MAP3K15: variants seen among roughly 807,000 people sequenced by gnomAD.
MAP3K15 encodes MAPK/ERK kinase kinase 15.
MAP3K15 carries 124 observed loss-of-function variants against 99.5 expected under a neutral mutation model. That is an observed-to-expected ratio of 1.25 (90% CI 1.08 to 1.45). The LOEUF (loss-of-function observed/expected upper bound fraction) is 1.45. Ranked by LOEUF, MAP3K15 falls within the 40% of genes most tolerant of loss-of-function variation. The pLI is 0.00. For synonymous variants in MAP3K15, 494 were observed against 439.6 expected, an observed-to-expected ratio of 1.12 and a Z score of -1.55; for missense variants, 1,242 against 1,079.7, an observed-to-expected ratio of 1.15 and a Z score of -2.11.
At chrX:19,435,982 T>C (rs1286682909) in intron 6 of MAP3K15, among the ~76,000 whole-genome samples, 2 of 110,908 alleles carry the variant, frequency 1.8e-5, no homozygotes, top group Admixed American at 1.9e-4. Flanking sequence ...GGTGAAACCC[T>C]GTCTCCACTA....
chrX:19,381,853 C>T (rs906639307), intron 18 of MAP3K15, among the ~76,000 whole-genome samples: 1 of 112,210 alleles, frequency 8.9e-6, no homozygotes, highest in African/African-American at 3.2e-5. Context: ...AAAAAGACAG[C>T]AAAGTCAGAG....
At position 19,515,107 on chromosome X, in the gene MAP3K15, TCGCCCTCGCCGCTGCCGCCTGCCG is replaced by T; in HGVS notation, c.131_154del (p.Ala44_Gly51del). The T allele has an allele frequency of 1.2e-6, 1 of 837,557 alleles. No homozygotes were observed. Among genetic ancestry groups the T allele is most frequent in the Non-Finnish European group, 1.5e-6 (1 of 664,783 alleles). The allele number at this position is 837,557 out of a possible 1,213,427, so 69.0% of individuals were successfully genotyped here. A position where few individuals can be genotyped will look rare whatever the true frequency, so the allele number is the denominator to read the frequency against. On this transcript the variant is annotated inframe_deletion, in exon 1 of 29. Coordinates refer to ENST00000338883, the MANE Select transcript of MAP3K15 (RefSeq NM_001001671.4). Reference sequence around the variant, plus strand: ...AGCCCGCCGCGGCCCGCCCCCACTCTCGCCCTCGCCGCTGCCGCCTGCCGCGCCCTCCGCCGCCCCGTCGGGCTC... The same window carrying T: ...AGCCCGCCGCGGCCCGCCCCCACTCTCGCCCTCCGCCGCCCCGTCGGGCTC...
chrX:19,476,099 T>A (rs997285547), intron 3 of MAP3K15, among the ~76,000 whole-genome samples: 7 of 112,437 alleles, frequency 6.2e-5, no homozygotes, highest in African/African-American at 2.3e-4. Context: ...CCAGCGAACT[T>A]CATAATGAGA....
At chrX:19,430,239 C>G (rs1170069771) in intron 7 of MAP3K15, among the ~76,000 whole-genome samples, 1 of 112,070 alleles carries the variant, frequency 8.9e-6, no homozygotes, top group East Asian at 2.8e-4. Flanking sequence ...CCTCTAGAGG[C>G]TTTGCTGCTC....
intron 4 of MAP3K15, among the ~76,000 whole-genome samples, chrX:19,462,689 G>A (rs777821705): frequency 1.8e-5 from 2 of 111,988 alleles, no homozygotes; most frequent in Non-Finnish European, 3.8e-5. Flanking sequence ...CAAGGAAGAT[G>A]TTGCTGATCA....
chrX:19,473,384 C>T lies in MAP3K15; in HGVS notation c.526-8978G>A, dbSNP rs377728009. Among the ~76,000 whole-genome samples, 17 of 111,933 alleles carry T rather than the reference C, an allele frequency of 1.5e-4. No homozygotes were observed. The East Asian group carries it at 2.0e-3, about 13-fold the overall frequency. Reference sequence around the variant, plus strand: ...GGAACACATTCAGACTCTTGTTGGTCAAGAGACCAGAAATTAAAAATAAAA... The same window carrying T: ...GGAACACATTCAGACTCTTGTTGGTTAAGAGACCAGAAATTAAAAATAAAA... On this transcript the variant is annotated intron_variant, in intron 3 of 28. Transcript: ENST00000338883.
intron 22 of MAP3K15, 94 bp from the exon 23 acceptor site, chrX:19,371,624 A>C (rs969960859): frequency 5.3e-5 from 44 of 831,356 alleles, no homozygotes; most frequent in Non-Finnish European, 6.9e-5. Context: ...ATTTGCTAAG[A>C]AACTTGTGGA....
intron 7 of MAP3K15, among the ~76,000 whole-genome samples, chrX:19,428,631 T>G (rs1219469090): frequency 1.8e-5 from 2 of 111,892 alleles, no homozygotes; most frequent in Non-Finnish European, 3.8e-5. Context: ...AGAAGACATA[T>G]AGGGCTATCT....
At chrX:19,435,190 T>A (rs1392711303) in intron 6 of MAP3K15, among the ~76,000 whole-genome samples, 4 of 111,608 alleles carry the variant, frequency 3.6e-5, no homozygotes, top group African/African-American at 1.3e-4. Context: ...ATATTCATGA[T>A]TCTGAAAAGA....
intron 3 of MAP3K15, among the ~76,000 whole-genome samples, chrX:19,475,904 G>A (rs1460964305): frequency 4.5e-5 from 5 of 111,793 alleles, no homozygotes; most frequent in South Asian, 3.7e-4. Context: ...CTTCTTTTCC[G>A]CAGGCACCCC....
At chrX:19,368,291 C>T (rs936677725) in intron 25 of MAP3K15, among the ~76,000 whole-genome samples, 1 of 111,596 alleles carries the variant, frequency 9.0e-6, no homozygotes, top group Non-Finnish European at 1.9e-5. Context: ...TACAGGCGTG[C>T]GCCACCATAC....
chrX:19,455,674 C>G (rs2064088126), intron 6 of MAP3K15, among the ~76,000 whole-genome samples: 1 of 108,707 alleles, frequency 9.2e-6, no homozygotes, highest in East Asian at 2.9e-4. Context: ...TTTTCCATTT[C>G]AAATCTTGTT....
At chrX:19,379,721 C>A (rs927087164) in intron 19 of MAP3K15, among the ~76,000 whole-genome samples, 1 of 111,076 alleles carries the variant, frequency 9.0e-6, no homozygotes, top group Non-Finnish European at 1.9e-5. Context: ...GGATTACAGG[C>A]GTGAGCCACC....
chrX:19,411,057 G>A (rs1165058988), intron 11 of MAP3K15, among the ~76,000 whole-genome samples: 4 of 109,844 alleles, frequency 3.6e-5, no homozygotes, highest in African/African-American at 6.7e-5. Context: ...GGTAGCACAC[G>A]CCTGTAGTCC....
At chrX:19,475,377 G>A (rs768095471) in intron 3 of MAP3K15, among the ~76,000 whole-genome samples, 6 of 111,374 alleles carry the variant, frequency 5.4e-5, no homozygotes, top group Admixed American at 9.5e-5. Flanking sequence ...TTCCTCGCTC[G>A]CTGCTCACCT....
At chrX:19,422,016 T>C (rs9761574) in intron 9 of MAP3K15, among the ~76,000 whole-genome samples, 1 of 111,085 alleles carries the variant, frequency 9.0e-6, no homozygotes, top group Non-Finnish European at 1.9e-5. Context: ...TTACACCTTA[T>C]GCAAAAATTA....
intron 1 of MAP3K15, among the ~76,000 whole-genome samples, chrX:19,508,497 C>T (rs761604777): frequency 8.9e-6 from 1 of 112,085 alleles, no homozygotes; most frequent in Non-Finnish European, 1.9e-5. Context: ...TTGATGGTCA[C>T]GTAACAGTGT....
chrX:19,465,863 GT>G (rs1387349421), intron 3 of MAP3K15, among the ~76,000 whole-genome samples: 1 of 109,895 alleles, frequency 9.1e-6, no homozygotes. Context: ...GTGTGTGTGT[GT>G]GATAAGTGGG....
intron 9 of MAP3K15, among the ~76,000 whole-genome samples, chrX:19,418,236 A>T (rs1203159743): frequency 9.0e-6 from 1 of 111,267 alleles, no homozygotes; most frequent in African/African-American, 3.3e-5. Context: ...AGACAATCAA[A>T]CTACTCCGAG....
Sources: gnomAD v4.1 joint callset for allele counts (sites outside exome capture counted in the v4.1 genomes callset) on GRCh38, gnomAD v4.1.1 for gene constraint, MANE v1.5 for transcripts, NCBI Gene and HGNC (gene_info 2026-07-23, HGNC 2026-07-21) for gene names.